Variants in GRIK1 observed in about 807,000 individuals in gnomAD.
The protein encoded by GRIK1 is glutamate receptor ionotropic, kainate 1.
Under a neutral mutation model 105.7 loss-of-function variants are expected in GRIK1, and 69 were observed. The ratio of observed to expected loss-of-function variants is 0.65; its 90% CI spans 0.54 to 0.80. The LOEUF (loss-of-function observed/expected upper bound fraction) is 0.80. Ranked by LOEUF, GRIK1 falls within the 30% of genes least tolerant of loss-of-function variation. The pLI, the probability that GRIK1 is intolerant of heterozygous loss-of-function variation, is 0.00. For synonymous variants in GRIK1, 438 were observed against 431.3 expected, an observed-to-expected ratio of 1.02 and a Z score of -0.19; for missense variants, 1,109 against 1,167.3, an observed-to-expected ratio of 0.95 and a Z score of 0.73.
chr21:29,597,328 G>A (rs2061434657), intron 8 of GRIK1, among the ~76,000 whole-genome samples: 1 of 152,190 alleles, frequency 6.6e-6, no homozygotes, highest in Non-Finnish European at 1.5e-5. Flanking sequence ...AAACACCAAT[G>A]CAATGTGCAT....
chr21:29,825,160 T>A (rs1248394681), intron 1 of GRIK1, among the ~76,000 whole-genome samples: 3 of 152,056 alleles, frequency 2.0e-5, no homozygotes, highest in Non-Finnish European at 4.4e-5. Flanking sequence ...GTAAAAAGGA[T>A]GTTGTGTGTT....
At chr21:29,606,692 AAAC>A (rs1392851177) in intron 7 of GRIK1, among the ~76,000 whole-genome samples, 1 of 147,722 alleles carries the variant, frequency 6.8e-6, no homozygotes, top group African/African-American at 2.7e-5. Context: ...AAACAAAACA[AAAC>A]AAAAAAAACA....
At chr21:29,653,813 C>T (rs749896210) in intron 5 of GRIK1, among the ~76,000 whole-genome samples, 5 of 152,176 alleles carry the variant, frequency 3.3e-5, no homozygotes, top group Non-Finnish European at 7.3e-5. Context: ...AACCTTAGTT[C>T]AGGAATTTCT....
chr21:29,615,760 T>C (rs1394898265), intron 7 of GRIK1, among the ~76,000 whole-genome samples: 2 of 152,230 alleles, frequency 1.3e-5, no homozygotes, highest in Non-Finnish European at 2.9e-5. Context: ...TTTTGAAACA[T>C]GAGCCCTTCT....
chr21:29,814,475 G>A (rs2067100024), intron 1 of GRIK1, among the ~76,000 whole-genome samples: 1 of 152,014 alleles, frequency 6.6e-6, no homozygotes, highest in African/African-American at 2.4e-5. Context: ...GTGCACAGAG[G>A]CAGCTGCACC....
At chr21:29,859,662 G>A (rs537976034) in intron 1 of GRIK1, among the ~76,000 whole-genome samples, 172 of 152,270 alleles carry the variant, frequency 1.1e-3, no homozygotes, top group Non-Finnish European at 2.0e-3. Flanking sequence ...AGGCTGAAAA[G>A]GATGATTTTG....
chr21:29,602,509 A>T (rs748951516), intron 7 of GRIK1, among the ~76,000 whole-genome samples: 2 of 152,202 alleles, frequency 1.3e-5, no homozygotes, highest in Non-Finnish European at 2.9e-5. Context: ...AGGTTTGAGG[A>T]TAAAGATTTG....
chr21:29,689,678 G>A (rs2063548443), intron 3 of GRIK1, 50 bp downstream of exon 3: 3 of 1,567,432 alleles, frequency 1.9e-6, no homozygotes, highest in Non-Finnish European at 2.6e-6. Flanking sequence ...CTTTCGTTCT[G>A]TTTGTTCAGA....
At chr21:29,914,176 TA>T (rs961775676) in intron 1 of GRIK1, among the ~76,000 whole-genome samples, 4 of 152,096 alleles carry the variant, frequency 2.6e-5, no homozygotes, top group African/African-American at 9.6e-5. Context: ...GTTGTGACAA[TA>T]AAAAATGCCA....
chr21:29,857,203 A>T (rs1045421572), intron 1 of GRIK1, among the ~76,000 whole-genome samples: 1 of 152,204 alleles, frequency 6.6e-6, no homozygotes, highest in African/African-American at 2.4e-5. Context: ...TGCGAAAGCT[A>T]TCATGGTAGC....
rs1362271810 is a variant in GRIK1, at chr21:29,589,057, C to T, written c.1366-15G>A. The T allele has an allele frequency of 7.2e-7, 1 of 1,396,620 alleles. No individual in the cohort carries two copies. The highest frequency in any genetic ancestry group is 1.8e-5 in the Admixed American group (1 of 56,626). 86.5% of individuals were successfully genotyped at this position (1,396,620 alleles called of 1,614,324 possible). ...TAGGGTTCTTCCTAAATGAAACAAA[C>T]CAAATATGAAAACCCTGTTATAATG... is the stretch of plus-strand genomic sequence containing the variant. On this transcript the variant is annotated splice_polypyrimidine_tract_variant and intron_variant, in intron 10 of 17. Coordinates refer to ENST00000327783, the MANE Select transcript of GRIK1 (RefSeq NM_001330994.2).
intron 1 of GRIK1, among the ~76,000 whole-genome samples, chr21:29,771,270 C>T (rs1451373439): frequency 3.3e-5 from 5 of 152,168 alleles, no homozygotes; most frequent in Non-Finnish European, 4.4e-5. Flanking sequence ...CTACTCATTC[C>T]GTTTTCTCCC....
At chr21:29,893,737 C>G (rs1425281586) in intron 1 of GRIK1, among the ~76,000 whole-genome samples, 1 of 152,158 alleles carries the variant, frequency 6.6e-6, no homozygotes, top group African/African-American at 2.4e-5. Context: ...CTCAAGAATT[C>G]AGAGTCTAGG....
chr21:29,871,133 C>T (rs1453468110), intron 1 of GRIK1, among the ~76,000 whole-genome samples: 1 of 152,192 alleles, frequency 6.6e-6, no homozygotes, highest in Non-Finnish European at 1.5e-5. Context: ...CCCACATGTC[C>T]ACCTGACTTG....
intron 1 of GRIK1, among the ~76,000 whole-genome samples, chr21:29,755,237 A>G (rs1455766048): frequency 6.6e-6 from 1 of 152,164 alleles, no homozygotes; most frequent in Admixed American, 6.5e-5. Flanking sequence ...ATTAATATGG[A>G]TTCATTTATT....
intron 1 of GRIK1, among the ~76,000 whole-genome samples, chr21:29,890,910 T>A (rs895604275): frequency 6.6e-6 from 1 of 152,114 alleles, no homozygotes; most frequent in Non-Finnish European, 1.5e-5. Context: ...AAGAAACCAG[T>A]TGGTCTGTTT....
chr21:29,913,299 A>C (rs930303525), intron 1 of GRIK1, among the ~76,000 whole-genome samples: 2 of 152,096 alleles, frequency 1.3e-5, no homozygotes, highest in African/African-American at 4.8e-5. Flanking sequence ...TTGATGTACT[A>C]TTGTGAAATA....
intron 1 of GRIK1, among the ~76,000 whole-genome samples, chr21:29,782,308 G>A (rs538373018): frequency 2.7e-3 from 411 of 152,090 alleles, no homozygotes; most frequent in East Asian, 0.011. Context: ...GGATGGTCTC[G>A]ATCTCCTGAC....
At chr21:29,908,607 G>A (rs868558226) in intron 1 of GRIK1, among the ~76,000 whole-genome samples, 1 of 152,188 alleles carries the variant, frequency 6.6e-6, no homozygotes, top group Non-Finnish European at 1.5e-5. Context: ...CTCACTAGTC[G>A]AGACAAGCTG....
Sources: gnomAD v4.1 joint callset for allele counts (sites outside exome capture counted in the v4.1 genomes callset) on GRCh38, gnomAD v4.1.1 for gene constraint, MANE v1.5 for transcripts, NCBI Gene and HGNC (gene_info 2026-07-23, HGNC 2026-07-21) for gene names.